MROH2B: variants seen among roughly 807,000 people sequenced by gnomAD.
MROH2B encodes maestro heat like repeat family member 2B.
Under a neutral mutation model 208.6 loss-of-function variants are expected in MROH2B, and 177 were observed. The observed-to-expected ratio is 0.85, with a 90% CI of 0.75 to 0.96. The LOEUF (loss-of-function observed/expected upper bound fraction) is 0.96, where lower values mean the gene tolerates loss of function less well. Ranked by LOEUF, MROH2B falls within the 40% of genes least tolerant of loss-of-function variation. The pLI is 0.00. For missense variants in MROH2B, 2,002 were observed against 1,878.7 expected, an observed-to-expected ratio of 1.07 and a Z score of -1.21; for synonymous variants, 728 against 659.0, an observed-to-expected ratio of 1.10 and a Z score of -1.60.
At chr5:40,999,558 G>A (rs1409113183) in intron 40 of MROH2B, 119 bp downstream of exon 40, 10 of 687,882 alleles carry the variant, frequency 1.5e-5, no homozygotes, top group Admixed American at 3.3e-5. Flanking sequence ...CCCTTTCTGG[G>A]CTTTAATAAA....
rs758961381 is a variant in MROH2B at position 41,061,555 on chromosome 5, C to T, written c.615+15G>A. On this transcript the variant is annotated intron_variant, in intron 6 of 41. Transcript: ENST00000399564. ...ATAGGGACATCCAGCTTGAGGCATC[C>T]TGAGGCCCACTCACCTGCATGGGTG... 23 of 1,597,458 alleles carry T rather than the reference C, an allele frequency of 1.4e-5. 1 individual carries two copies. The South Asian group carries it at 2.5e-4, about 17-fold the overall frequency.
At chr5:41,009,447 C>A in intron 31 of MROH2B, 41 bp from the exon 32 acceptor site, 2 of 1,602,376 alleles carry the variant, frequency 1.2e-6, no homozygotes, top group Non-Finnish European at 1.7e-6. Flanking sequence ...AAGGCACAAC[C>A]CCTCGGGCTG....
chr5:41,005,538 A>C lies in MROH2B; in HGVS notation c.3857T>G (p.Phe1286Cys). ...ENYRITGAAF[F>C]SELMKEPILW... ...AGGGCTGTTCTCCCTTGCCTCAGAG[A>C]AGAAAGCTGCGCCGGTTATCCGGTA... Residue 1286 changes from phenylalanine (F) to cysteine (C), a missense_variant, in exon 35 of 42, where the codon TTC becomes TGC. Physicochemically the swap from Phe to Cys is radical, Grantham distance 205 (BLOSUM62 -2). Transcript: ENST00000399564. 1 of 1,598,664 alleles carries C rather than the reference A, an allele frequency of 6.3e-7. No homozygotes were observed. Among genetic ancestry groups the C allele is most frequent in the Non-Finnish European group, 8.5e-7 (1 of 1,172,426 alleles).
At chr5:41,003,231 G>A (rs113666497) in intron 37 of MROH2B, among the ~76,000 whole-genome samples, 5 of 152,142 alleles carry the variant, frequency 3.3e-5, no homozygotes, top group Non-Finnish European at 7.3e-5. Context: ...AAAGTGCTGG[G>A]ATTACAGGCG....
At chr5:41,046,457 G>A (rs1474620727) in intron 17 of MROH2B, among the ~76,000 whole-genome samples, 2 of 148,138 alleles carry the variant, frequency 1.4e-5, no homozygotes, top group African/African-American at 5.0e-5. Context: ...TTTTTCTTTT[G>A]GACAAACACA....
At position 41,018,794 on chromosome 5, in the gene MROH2B, C is replaced by T; in HGVS notation, c.2578-8G>A. 6 of 1,613,806 alleles carry T rather than the reference C, an allele frequency of 3.7e-6. No homozygotes were observed. Among genetic ancestry groups the T allele is most frequent in the Non-Finnish European group, 5.1e-6 (6 of 1,179,818 alleles). Reference sequence around the variant, plus strand: ...GGATCGTTCATAGAGAAACTGAAATCAAATATGTGTGTGTGAGTCTCAGGC... The same window carrying T: ...GGATCGTTCATAGAGAAACTGAAATTAAATATGTGTGTGTGAGTCTCAGGC... On this transcript the variant is annotated splice_polypyrimidine_tract_variant and splice_region_variant and intron_variant, in intron 25 of 41. Coordinates refer to ENST00000399564, the MANE Select transcript of MROH2B (RefSeq NM_173489.5).
intron 14 of MROH2B, 45 bp from the exon 15 acceptor site, chr5:41,049,186 A>G (rs773391414): frequency 5.0e-6 from 8 of 1,605,230 alleles, no homozygotes; most frequent in Non-Finnish European, 6.8e-6. Context: ...GGGGTTAGAG[A>G]TTGGGGTTGG....
chr5:41,013,761 G>T (rs1051099846), intron 29 of MROH2B, among the ~76,000 whole-genome samples: 1 of 152,156 alleles, frequency 6.6e-6, no homozygotes, highest in African/African-American at 2.4e-5. Context: ...GGGAACTCAT[G>T]TTTTTGAGCG....
intron 41 of MROH2B, 109 bp from the exon 42 acceptor site, chr5:40,998,267 G>T: frequency 1.3e-6 from 1 of 765,352 alleles, no homozygotes; most frequent in Non-Finnish European, 2.2e-6. Flanking sequence ...AGACCCAAGT[G>T]GGGCTCAGGT....
intron 35 of MROH2B, 105 bp downstream of exon 35, chr5:41,005,426 T>TTCCTG (rs2111809573): frequency 4.2e-5 from 1 of 24,090 alleles, no homozygotes; most frequent in Non-Finnish European, 1.0e-4. Flanking sequence ...CCCCCCCCCC[T>TTCCTG]TGAAGTCTCT....
At chr5:41,004,606 A>C in intron 36 of MROH2B, 78 bp from the exon 37 acceptor site, 1 of 1,522,532 alleles carries the variant, frequency 6.6e-7, no homozygotes, top group Non-Finnish European at 8.8e-7. Flanking sequence ...CTCAGACAAG[A>C]GGACTGAAAT....
chr5:41,052,518 A>T lies in MROH2B; in HGVS notation c.1177T>A (p.Trp393Arg). Residue 393 changes from tryptophan (W) to arginine (R), a missense_variant, in exon 12 of 42, where the codon TGG becomes AGG. Physicochemically the swap from Trp to Arg is moderately radical, Grantham distance 101. Transcript: ENST00000399564. ...EKSYIEAREG[W>R]PLIDYVFSQF... ...GAGAAGACATAATCAATCAATGGCC[A>T]TCCTTCCCGAGCTTCAATATAGGAC... The T allele has an allele frequency of 1.9e-6, 3 of 1,613,054 alleles. No individual in the cohort carries two copies. Among genetic ancestry groups the T allele is most frequent in the Non-Finnish European group, 2.5e-6 (3 of 1,179,340 alleles).
intron 9 of MROH2B, among the ~76,000 whole-genome samples, chr5:41,056,483 G>A (rs1743456272): frequency 2.0e-5 from 3 of 152,016 alleles, no homozygotes; most frequent in African/African-American, 4.8e-5. Context: ...AGTATTTGGG[G>A]GAGTGCAGAG....
chr5:41,053,672 G>A (rs1743354364), intron 11 of MROH2B, among the ~76,000 whole-genome samples: 1 of 152,010 alleles, frequency 6.6e-6, no homozygotes, highest in African/African-American at 2.4e-5. Flanking sequence ...TTTTGCCTGG[G>A]GAGTTGGCCT....
intron 38 of MROH2B, 34 bp from the exon 39 acceptor site, chr5:41,000,385 A>G: frequency 6.2e-7 from 1 of 1,607,472 alleles, no homozygotes; most frequent in Non-Finnish European, 8.5e-7. Context: ...CACAGTCCAG[A>G]ACGTTAGGAT....
At chr5:41,010,327 G>T (rs1741735329) in intron 30 of MROH2B, among the ~76,000 whole-genome samples, 1 of 152,190 alleles carries the variant, frequency 6.6e-6, no homozygotes, top group African/African-American at 2.4e-5. Flanking sequence ...GTTTGCCATT[G>T]TCGGAATTTA....
chr5:41,023,873 A>T (rs4331942), intron 24 of MROH2B, among the ~76,000 whole-genome samples: 1 of 152,084 alleles, frequency 6.6e-6, no homozygotes, highest in African/African-American at 2.4e-5. Flanking sequence ...AGTAGGGGCC[A>T]ATATTCAACA....
intron 9 of MROH2B, among the ~76,000 whole-genome samples, chr5:41,056,086 T>C (rs557143770): frequency 3.3e-5 from 5 of 152,198 alleles, no homozygotes; most frequent in Non-Finnish European, 7.3e-5. Flanking sequence ...GAATGTGGCC[T>C]TATTTAAAAA....
At chr5:41,062,402 A>G (rs1743669874) in intron 5 of MROH2B, among the ~76,000 whole-genome samples, 1 of 152,144 alleles carries the variant, frequency 6.6e-6, no homozygotes, top group Non-Finnish European at 1.5e-5. Flanking sequence ...ACAATCTCCC[A>G]CTTCTTGACC....
Sources: gnomAD v4.1 joint callset for allele counts (sites outside exome capture counted in the v4.1 genomes callset) on GRCh38, gnomAD v4.1.1 for gene constraint, MANE v1.5 for transcripts, NCBI Gene and HGNC (gene_info 2026-07-23, HGNC 2026-07-21) for gene names.